SLC44A1: variants seen among roughly 807,000 people sequenced by gnomAD.
SLC44A1 encodes the protein choline transporter-like protein 1.
SLC44A1 carries 26 observed loss-of-function variants against 79.3 expected under a neutral mutation model. That is an observed-to-expected ratio of 0.33 (90% CI 0.24 to 0.46). SLC44A1 has a LOEUF of 0.46. Ranked by LOEUF, SLC44A1 falls within the 20% of genes least tolerant of loss-of-function variation. The probability of loss-of-function intolerance (pLI) is 1.00; values close to 1 mark genes in which losing one functional copy is unlikely to be tolerated. For missense variants in SLC44A1, 688 were observed against 798.1 expected (o/e 0.86, Z 1.66); for synonymous variants, 263 against 286.2 (o/e 0.92, Z 0.82).
intron 4 of SLC44A1, among the ~76,000 whole-genome samples, chr9:105,343,062 T>C (rs1322065389): frequency 2.0e-5 from 3 of 151,948 alleles, no homozygotes; most frequent in African/African-American, 7.2e-5. Flanking sequence ...TTCTCAGTGC[T>C]AATAGTTCAC....
downstream of SLC44A1, among the ~76,000 whole-genome samples, chr9:105,399,134 A>G (rs1828923568): frequency 1.3e-5 from 2 of 152,198 alleles, no homozygotes; most frequent in South Asian, 4.1e-4. Context: ...GATGTGCCTC[A>G]TTTACTGTCC....
chr9:105,423,874 G>T (rs796580864), intron 15 of SLC44A1, among the ~76,000 whole-genome samples: 5 of 152,254 alleles, frequency 3.3e-5, no homozygotes, highest in African/African-American at 1.2e-4. Context: ...AAGAAAATCT[G>T]AATGCTTTTA....
chr9:105,375,912 C>T (rs577805766), intron 13 of SLC44A1, among the ~76,000 whole-genome samples: 74 of 151,588 alleles, frequency 4.9e-4, no homozygotes, highest in African/African-American at 1.7e-3. Context: ...TTTTTTTTAT[C>T]GGCTTGTATT....
intron 12 of SLC44A1, among the ~76,000 whole-genome samples, chr9:105,372,464 A>G (rs560873787): frequency 9.9e-5 from 15 of 151,144 alleles, no homozygotes; most frequent in Admixed American, 4.0e-4. Flanking sequence ...ATTTTTTTGT[A>G]TTTTCAGTTG....
chr9:105,414,049 G>A (rs1564056392), intron 15 of SLC44A1, among the ~76,000 whole-genome samples: 1 of 144,316 alleles, frequency 6.9e-6, no homozygotes, highest in African/African-American at 2.7e-5. Flanking sequence ...GTTAGTGTTT[G>A]GTTTTTTTTT....
intron 4 of SLC44A1, among the ~76,000 whole-genome samples, chr9:105,338,944 G>T (rs1156466217): frequency 1.3e-5 from 2 of 152,120 alleles, no homozygotes; most frequent in Non-Finnish European, 2.9e-5. Flanking sequence ...GCTAGTTAAA[G>T]GTCCATGAAA....
chr9:105,437,620 T>C (rs888280437), intron 15 of SLC44A1, among the ~76,000 whole-genome samples: 9 of 152,150 alleles, frequency 5.9e-5, no homozygotes, highest in Non-Finnish European at 1.3e-4. Context: ...AGAATATCCA[T>C]TTAAAAGAAT....
At chr9:105,359,164 T>G (rs1315005639) in intron 7 of SLC44A1, among the ~76,000 whole-genome samples, 1 of 152,176 alleles carries the variant, frequency 6.6e-6, no homozygotes, top group African/African-American at 2.4e-5. Context: ...ATATTTACAT[T>G]TACGTTTTCC....
exon 16 of SLC44A1, chr9:105,438,436 C>A: frequency 1.5e-6 from 1 of 657,314 alleles, no homozygotes; most frequent in Non-Finnish European, 2.7e-6. Context: ...GTTTCTCAAA[C>A]CACCAACAGC....
intron 3 of SLC44A1, among the ~76,000 whole-genome samples, chr9:105,334,548 A>T (rs1826852034): frequency 6.6e-6 from 1 of 152,162 alleles, no homozygotes; most frequent in South Asian, 2.1e-4. Context: ...CAGATGCATG[A>T]TTTTATAAAA....
intron 13 of SLC44A1, among the ~76,000 whole-genome samples, chr9:105,376,314 T>TGC (rs1828281237): frequency 7.2e-6 from 1 of 139,144 alleles, no homozygotes; most frequent in South Asian, 2.3e-4. Context: ...TATATATGTA[T>TGC]ACACACACAC....
At chr9:105,291,288 A>G (rs1431853110) in intron 1 of SLC44A1, among the ~76,000 whole-genome samples, 1 of 152,244 alleles carries the variant, frequency 6.6e-6, no homozygotes, top group Non-Finnish European at 1.5e-5. Context: ...TGAGTGTACA[A>G]CTATTTGTCT....
chr9:105,299,388 T>G lies in SLC44A1; in HGVS notation c.126+79T>G, dbSNP rs560657136. ...CGAGTAGTTGTTTTAATGAGGGCAGTTGTGGAATATACCAGTCCTCATACA... is the reference window on the plus strand; with the variant it reads ...CGAGTAGTTGTTTTAATGAGGGCAGGTGTGGAATATACCAGTCCTCATACA... On this transcript the variant is annotated intron_variant, in intron 2 of 15. Transcript: ENST00000374720. 2.0e-4 allele frequency: 176 copies of G among 881,484 alleles called. 1 individual carries two copies. In the African/African-American group the frequency reaches 2.8e-3, roughly 14 times the overall value. The allele number at this position is 881,484 out of a possible 1,614,324, so 54.6% of individuals were successfully genotyped here.
At chr9:105,283,862 G>A (rs1300053714) in intron 1 of SLC44A1, among the ~76,000 whole-genome samples, 1 of 152,092 alleles carries the variant, frequency 6.6e-6, no homozygotes, top group African/African-American at 2.4e-5. Flanking sequence ...CTCTAGTTAT[G>A]TTTTGCACTC....
In SLC44A1 at chr9:105,283,721, A is replaced by G. The variant is rs115467043; in HGVS notation, c.37-15499A>G. 7.4e-3 allele frequency among the ~76,000 whole-genome samples: 1,129 copies of G among 152,336 alleles called. 12 individuals carry two copies. The highest frequency in any genetic ancestry group is 0.025 in the African/African-American group (1,045 of 41,562). On this transcript the variant is annotated intron_variant, in intron 1 of 15. Transcript: ENST00000374720. ...GTTATTTTTTAAAAATCCAATCCCA[A>G]TATGTGCGAGTCCTTTCTCATTCCA...
rs1449833536 is a variant in SLC44A1, at chr9:105,396,566, C to G, written c.*7510C>G. 1.0e-6 allele frequency: 1 copy of G among 985,436 alleles called. No homozygotes were observed. The highest frequency in any genetic ancestry group is 1.2e-6 in the Non-Finnish European group (1 of 829,938). 61.0% of individuals were successfully genotyped at this position (985,436 alleles called of 1,614,324 possible). A position where few individuals can be genotyped will look rare whatever the true frequency, so the allele number is the denominator to read the frequency against. On this transcript the variant is annotated 3_prime_UTR_variant, in exon 16 of 16. Transcript: ENST00000374720. Reference sequence around the variant, plus strand: ...GGACCTGCTATTGATCTCTCAGGCACTGAGTCTTCACATCCAGTGTCAAGC... The same window carrying G: ...GGACCTGCTATTGATCTCTCAGGCAGTGAGTCTTCACATCCAGTGTCAAGC...
intron 13 of SLC44A1, 128 bp downstream of exon 13, chr9:105,374,863 TTACTGTGTGTCCAGCATTGTGATAAG>T (rs1298541050): frequency 1.5e-6 from 1 of 661,032 alleles, no homozygotes; most frequent in East Asian, 2.7e-5. Context: ...TAGAAAGCCC[TTACTGTGTGTCCAGCATTGTGATAAG>T]TACTTGACAT....
chr9:105,357,463 A>T (rs557006159), intron 6 of SLC44A1, among the ~76,000 whole-genome samples: 1 of 152,332 alleles, frequency 6.6e-6, no homozygotes, highest in African/African-American at 2.4e-5. Flanking sequence ...TTTTATTAGA[A>T]TGATTCTCTT....
At chr9:105,258,887 TAGAG>T (rs954180890) in intron 1 of SLC44A1, among the ~76,000 whole-genome samples, 1 of 151,286 alleles carries the variant, frequency 6.6e-6, no homozygotes, top group Non-Finnish European at 1.5e-5. Flanking sequence ...TTTTTTTTGG[TAGAG>T]AGGGGGTTTC....
Sources: gnomAD v4.1 joint callset for allele counts (sites outside exome capture counted in the v4.1 genomes callset) on GRCh38, gnomAD v4.1.1 for gene constraint, MANE v1.5 for transcripts, NCBI Gene and HGNC (gene_info 2026-07-23, HGNC 2026-07-21) for gene names.